Variants in COL11A1 observed in about 807,000 individuals in gnomAD.
COL11A1 encodes the protein collagen alpha-1(XI) chain.
In COL11A1, 74 loss-of-function variants were observed where a neutral mutation model predicts 265.2. The ratio of observed to expected loss-of-function variants is 0.28; its 90% CI spans 0.23 to 0.34. COL11A1 has a LOEUF of 0.34. Among genes scored for constraint, COL11A1 ranks in the 10% least tolerant of loss-of-function variants. The pLI, the probability that COL11A1 is intolerant of heterozygous loss-of-function variation, is 1.00. For synonymous variants in COL11A1, 816 were observed against 727.6 expected (o/e 1.12, Z -1.96); for missense variants, 2,165 against 2,263.6 (o/e 0.96, Z 0.88).
chr1:103,004,060 C>T (rs1046334130), intron 20 of COL11A1, among the ~76,000 whole-genome samples: 1 of 152,064 alleles, frequency 6.6e-6, no homozygotes. Flanking sequence ...TGATATATTC[C>T]ATATGTCTGG....
chr1:102,931,975 C>G (rs1265844068), intron 46 of COL11A1, among the ~76,000 whole-genome samples: 2 of 150,236 alleles, frequency 1.3e-5, no homozygotes, highest in African/African-American at 2.5e-5. Context: ...TTATTTTGAG[C>G]CTATGTGTGT....
intron 4 of COL11A1, among the ~76,000 whole-genome samples, chr1:103,060,334 C>A (rs959815014): frequency 2.6e-4 from 39 of 151,934 alleles, no homozygotes; most frequent in African/African-American, 7.7e-4. Context: ...AGTAGGCCTG[C>A]CTTGCAAGCA....
At position 103,003,220 on chromosome 1, in the gene COL11A1, G is replaced by T. The variant is rs141812524; in HGVS notation, c.1993C>A (p.Gln665Lys). The T allele has an allele frequency of 1.2e-6, 2 of 1,613,442 alleles. No individual in the cohort carries two copies. The highest frequency in any genetic ancestry group is 1.7e-6 in the Non-Finnish European group (2 of 1,179,826). The change falls in exon 21 of 67, where the codon CAG (glutamine) becomes AAG (lysine). Residue 665 changes from glutamine (Q) to lysine (K), a missense_variant. Coordinates refer to ENST00000370096, the MANE Select transcript of COL11A1 (RefSeq NM_001854.4). ...GPRGTPGAPG[Q>K]PGMAGVDGPP... Reference sequence around the variant, plus strand: ...ATGTTTCCAGCAATACATACAGGCTGCCCTGGAGCTCCTGGAGTTCCCCTT... The same window carrying T: ...ATGTTTCCAGCAATACATACAGGCTTCCCTGGAGCTCCTGGAGTTCCCCTT...
intron 53 of COL11A1, 48 bp downstream of exon 53, chr1:102,913,589 C>T (rs1396416682): frequency 2.0e-6 from 3 of 1,506,698 alleles, no homozygotes; most frequent in Admixed American, 3.3e-5. Context: ...CATTAAAATG[C>T]CTTGAGACTA....
chr1:103,103,748 T>A (rs1016078297), intron 1 of COL11A1, among the ~76,000 whole-genome samples: 4 of 44,078 alleles, frequency 9.1e-5, no homozygotes, highest in Non-Finnish European at 3.5e-4. Flanking sequence ...AGTTGTTGAT[T>A]GCACAACAGA....
chr1:103,034,685 G>C (rs545489080), intron 4 of COL11A1, among the ~76,000 whole-genome samples: 1 of 151,752 alleles, frequency 6.6e-6, no homozygotes. Context: ...TCCAATGTCT[G>C]TGCTTCTTCA....
intron 64 of COL11A1, among the ~76,000 whole-genome samples, chr1:102,882,911 C>T (rs1185207310): frequency 6.6e-6 from 1 of 152,052 alleles, no homozygotes; most frequent in African/African-American, 2.4e-5. Flanking sequence ...TTTAGTGGCA[C>T]TAAAATTTGA....
intron 2 of COL11A1, among the ~76,000 whole-genome samples, chr1:103,079,912 G>T (rs1672267061): frequency 6.6e-6 from 1 of 151,804 alleles, no homozygotes; most frequent in Admixed American, 6.6e-5. Context: ...GTCTGGCTTG[G>T]ATTCAAGTTC....
intron 1 of COL11A1, among the ~76,000 whole-genome samples, chr1:103,093,409 T>C (rs1357577838): frequency 6.6e-6 from 1 of 152,122 alleles, no homozygotes; most frequent in Non-Finnish European, 1.5e-5. Context: ...AACAGGTTTT[T>C]TCATGCATAT....
chr1:103,024,922 T>C (rs1229603009), intron 7 of COL11A1, among the ~76,000 whole-genome samples: 1 of 152,162 alleles, frequency 6.6e-6, no homozygotes, highest in African/African-American at 2.4e-5. Context: ...GCATGTGAAA[T>C]ATGAATTTCA....
At chr1:102,976,621 C>G (rs994674847) in intron 35 of COL11A1, among the ~76,000 whole-genome samples, 1 of 151,934 alleles carries the variant, frequency 6.6e-6, no homozygotes, top group Non-Finnish European at 1.5e-5. Context: ...TCCTAATAAT[C>G]AAAATAGTTT....
Position 102,943,261 on chromosome 1 carries a change from A to AT in COL11A1, c.3277-2828dup, listed in dbSNP as rs949395605. Among the ~76,000 whole-genome samples the AT allele has an allele frequency of 1.5e-3, 226 of 151,692 alleles. 2 individuals are homozygous for AT. Among genetic ancestry groups the AT allele is most frequent in the Middle Eastern group, 3.4e-3 (1 of 294 alleles). On this transcript the variant is annotated intron_variant, in intron 42 of 66. Transcript: ENST00000370096. ...TCCCTACTCCACTCCTCTATAGTCC[A>AT]TTTTTTTTCTTTTTGAATCAATTTA...
intron 36 of COL11A1, among the ~76,000 whole-genome samples, chr1:102,973,512 G>A (rs1057143293): frequency 1.3e-5 from 2 of 152,116 alleles, no homozygotes; most frequent in African/African-American, 4.8e-5. Context: ...TAAACTTTAT[G>A]TTCCTAAACA....
In COL11A1 at chr1:103,017,792, T is replaced by A. The variant is rs139193069; in HGVS notation, c.1413+28A>T. 4.6e-4 allele frequency: 729 copies of A among 1,571,374 alleles called. 4 individuals are homozygous for A. The African/African-American group carries it at 8.7e-3, about 19-fold the overall frequency. The stretch of plus-strand genomic sequence containing the variant: ...TTTAAGTCTGTATGACATGCATTTG[T>A]AATGAGATATCATGTCCATTCACTT... On this transcript the variant is annotated intron_variant, in intron 11 of 66. Coordinates refer to ENST00000370096, the MANE Select transcript of COL11A1 (RefSeq NM_001854.4).
At chr1:103,059,104 A>G (rs944854650) in intron 4 of COL11A1, among the ~76,000 whole-genome samples, 28 of 152,204 alleles carry the variant, frequency 1.8e-4, no homozygotes, top group African/African-American at 6.8e-4. Context: ...AACAAGAGCA[A>G]TATCCACAAA....
chr1:102,934,793 GCTGT>G (rs2101217818), intron 45 of COL11A1, among the ~76,000 whole-genome samples: 1 of 152,258 alleles, frequency 6.6e-6, no homozygotes, highest in East Asian at 1.9e-4. Context: ...TGAAGTAAAA[GCTGT>G]CTAATAACGG....
At chr1:103,107,204 C>T (rs116081263) in intron 1 of COL11A1, among the ~76,000 whole-genome samples, 5,269 of 152,082 alleles carry the variant, frequency 0.035, 313 homozygotes, top group African/African-American at 0.12. Context: ...CCGAGCAGGT[C>T]TGGCCATTGA....
chr1:102,890,080 A>G (rs1353739320), intron 58 of COL11A1, among the ~76,000 whole-genome samples: 1 of 152,160 alleles, frequency 6.6e-6, no homozygotes, highest in Non-Finnish European at 1.5e-5. Context: ...TAGTACATCA[A>G]ATTAGTATTT....
At chr1:103,014,820 A>G (rs774155525) in intron 12 of COL11A1, among the ~76,000 whole-genome samples, 4 of 152,130 alleles carry the variant, frequency 2.6e-5, no homozygotes, top group African/African-American at 4.8e-5. Context: ...AGAAGAAACT[A>G]GAAACTCTGT....
Sources: allele counts gnomAD v4.1 joint callset (sites outside exome capture counted in the v4.1 genomes callset), GRCh38; gene constraint gnomAD v4.1.1; transcripts MANE v1.5; gene names NCBI Gene and HGNC (gene_info 2026-07-23, HGNC 2026-07-21).